GRID2: variants seen among roughly 807,000 people sequenced by gnomAD.
GRID2 encodes glutamate ionotropic receptor delta type subunit 2, also known as glutamate receptor ionotropic, delta-2.
A neutral mutation model predicts 114.8 loss-of-function variants in GRID2; 33 were observed. The observed-to-expected ratio is 0.29, with a 90% CI of 0.22 to 0.38. The LOEUF (loss-of-function observed/expected upper bound fraction) is 0.38. GRID2 is among the 10% of genes least tolerant of loss of function. The probability of loss-of-function intolerance (pLI) is 1.00; values close to 1 mark genes in which losing one functional copy is unlikely to be tolerated. For missense variants in GRID2, 1,184 were observed against 1,257.7 expected (o/e 0.94, Z 0.89); for synonymous variants, 505 against 449.9 (o/e 1.12, Z -1.55).
intron 2 of GRID2, among the ~76,000 whole-genome samples, chr4:92,893,824 A>G (rs552670907): frequency 4.9e-4 from 74 of 152,240 alleles, no homozygotes; most frequent in Non-Finnish European, 9.6e-4. Flanking sequence ...TGAAATGCAG[A>G]TAATATGTTT....
chr4:92,403,817 A>G (rs1460877991), intron 1 of GRID2, among the ~76,000 whole-genome samples: 2 of 152,148 alleles, frequency 1.3e-5, no homozygotes, highest in Non-Finnish European at 2.9e-5. Flanking sequence ...CCTAATTTCA[A>G]TATTGCTAAA....
chr4:93,081,503 G>A, intron 2 of GRID2, among the ~76,000 whole-genome samples: 1 of 152,094 alleles, frequency 6.6e-6, no homozygotes, highest in Non-Finnish European at 1.5e-5. Flanking sequence ...TGTTGCAATT[G>A]CTATTAAAAA....
At chr4:92,662,401 A>C (rs2149269982) in intron 2 of GRID2, among the ~76,000 whole-genome samples, 1 of 151,152 alleles carries the variant, frequency 6.6e-6, no homozygotes, top group Non-Finnish European at 1.5e-5. Flanking sequence ...TTATCTTGTA[A>C]CTTGAGGCTG....
At chr4:92,462,291 A>G (rs1468676174) in intron 1 of GRID2, among the ~76,000 whole-genome samples, 1 of 152,042 alleles carries the variant, frequency 6.6e-6, no homozygotes, top group African/African-American at 2.4e-5. Context: ...AGAAAGCTTA[A>G]CCTTTAATTG....
intron 10 of GRID2, among the ~76,000 whole-genome samples, chr4:93,438,945 T>A (rs1580086805): frequency 6.6e-6 from 1 of 152,102 alleles, no homozygotes; most frequent in Middle Eastern, 3.4e-3. Context: ...TGGTTTTTTG[T>A]CCTTGTGATA....
At chr4:93,530,880 G>A (rs1394436105) in intron 13 of GRID2, among the ~76,000 whole-genome samples, 1 of 152,056 alleles carries the variant, frequency 6.6e-6, no homozygotes, top group Non-Finnish European at 1.5e-5. Context: ...TCCTCATAGT[G>A]TTCCTCTTAA....
intron 2 of GRID2, among the ~76,000 whole-genome samples, chr4:92,755,718 T>C (rs1737682390): frequency 6.6e-6 from 1 of 152,188 alleles, no homozygotes; most frequent in Non-Finnish European, 1.5e-5. Flanking sequence ...CAAGATACTA[T>C]CATAGAAGTA....
chr4:92,978,510 TG>T, intron 2 of GRID2, among the ~76,000 whole-genome samples: 1 of 152,128 alleles, frequency 6.6e-6, no homozygotes, highest in Non-Finnish European at 1.5e-5. Flanking sequence ...ATTCCTACTT[TG>T]TTTCTTTTCT....
chr4:92,770,775 C>T (rs2149351892), intron 2 of GRID2, among the ~76,000 whole-genome samples: 1 of 152,246 alleles, frequency 6.6e-6, no homozygotes, highest in South Asian at 2.1e-4. Context: ...CAATCACCTC[C>T]AACCGGGTTC....
At chr4:92,929,344 T>C (rs1398998385) in intron 2 of GRID2, among the ~76,000 whole-genome samples, 1 of 151,414 alleles carries the variant, frequency 6.6e-6, no homozygotes. Context: ...TAATTTTGTT[T>C]CTTTTTTTCT....
intron 1 of GRID2, among the ~76,000 whole-genome samples, chr4:92,453,590 C>A (rs1329911573): frequency 2.0e-5 from 3 of 152,078 alleles, no homozygotes; most frequent in Non-Finnish European, 4.4e-5. Flanking sequence ...TTTGTAAAGA[C>A]ATGGATTTCT....
intron 2 of GRID2, among the ~76,000 whole-genome samples, chr4:92,942,867 T>G (rs1275377725): frequency 1.3e-5 from 2 of 152,160 alleles, no homozygotes; most frequent in Non-Finnish European, 2.9e-5. Flanking sequence ...GGGTTGAAAA[T>G]TCTTTTCTTT....
chr4:92,511,877 G>A (rs77292604), intron 1 of GRID2, among the ~76,000 whole-genome samples: 1,528 of 151,870 alleles, frequency 0.01, 22 homozygotes, highest in African/African-American at 0.035. Flanking sequence ...GACATTAATT[G>A]TATTTTTGTG....
intron 2 of GRID2, among the ~76,000 whole-genome samples, chr4:92,807,160 T>C (rs1335697896): frequency 6.6e-6 from 1 of 152,012 alleles, no homozygotes; most frequent in African/African-American, 2.4e-5. Context: ...TAAGAACAGA[T>C]TGCTTTCTTG....
intron 1 of GRID2, among the ~76,000 whole-genome samples, chr4:92,321,089 A>T (rs2110126780): frequency 6.6e-6 from 1 of 152,316 alleles, no homozygotes; most frequent in South Asian, 2.1e-4. Flanking sequence ...GTTTTATAGA[A>T]TTTTGTGTTC....
At chr4:93,328,419 C>T (rs1758076615) in intron 8 of GRID2, among the ~76,000 whole-genome samples, 1 of 152,018 alleles carries the variant, frequency 6.6e-6, no homozygotes, top group African/African-American at 2.4e-5. Flanking sequence ...TTTGATTTTC[C>T]CACTCCAGTA....
intron 1 of GRID2, among the ~76,000 whole-genome samples, chr4:92,334,728 A>G (rs1159758795): frequency 6.6e-6 from 1 of 152,202 alleles, no homozygotes; most frequent in Non-Finnish European, 1.5e-5. Flanking sequence ...GGGGACTAAG[A>G]TTCCAACACA....
intron 1 of GRID2, among the ~76,000 whole-genome samples, chr4:92,396,784 A>G (rs567514199): frequency 2.0e-5 from 3 of 152,190 alleles, no homozygotes; most frequent in African/African-American, 4.8e-5. Flanking sequence ...AGAAGCAGAA[A>G]AGTTTCAGCA....
rs1008130485 is a variant in GRID2, at chr4:93,164,586, G to T, written c.736-42818G>T. On this transcript the variant is annotated intron_variant, in intron 4 of 15. Coordinates refer to ENST00000282020, the MANE Select transcript of GRID2 (RefSeq NM_001510.4). The stretch of plus-strand genomic sequence containing the variant: ...TAGAAATAAGTTTATTGAGAAGTCA[G>T]CTGTTTTTAGGCTCTATGTTGACTT... 4 of 194,258 alleles carry T rather than the reference G, an allele frequency of 2.1e-5. No individual in the cohort carries two copies. In the South Asian group the frequency reaches 2.5e-4, roughly 12 times the overall value. 12.0% of individuals were successfully genotyped at this position (194,258 alleles called of 1,614,324 possible).
Sources: allele counts gnomAD v4.1 joint callset (sites outside exome capture counted in the v4.1 genomes callset), GRCh38; gene constraint gnomAD v4.1.1; transcripts MANE v1.5; gene names NCBI Gene and HGNC (gene_info 2026-07-23, HGNC 2026-07-21).